NAALADL2: variants seen among roughly 807,000 people sequenced by gnomAD.
The protein encoded by NAALADL2 is inactive N-acetylated-alpha-linked acidic dipeptidase-like protein 2.
A neutral mutation model predicts 87.2 loss-of-function variants in NAALADL2; 76 were observed. That is an observed-to-expected ratio of 0.87 (90% CI 0.72 to 1.05). NAALADL2 has a LOEUF of 1.05. Ranked by LOEUF, NAALADL2 falls within the 50% of genes least tolerant of loss-of-function variation. The pLI is 0.00. For missense variants in NAALADL2, 1,089 were observed against 945.8 expected, an observed-to-expected ratio of 1.15 and a Z score of -1.99; for synonymous variants, 354 against 331.0, an observed-to-expected ratio of 1.07 and a Z score of -0.75.
At chr3:175,599,289 A>T (rs1325630329) in intron 10 of NAALADL2, among the ~76,000 whole-genome samples, 1 of 152,134 alleles carries the variant, frequency 6.6e-6, no homozygotes, top group Non-Finnish European at 1.5e-5. Flanking sequence ...ATTACTGATC[A>T]TCTCAGTTTC....
intron 2 of NAALADL2, among the ~76,000 whole-genome samples, chr3:174,681,571 T>A (rs1727543546): frequency 6.6e-6 from 1 of 152,138 alleles, no homozygotes; most frequent in South Asian, 2.1e-4. Flanking sequence ...CCTGGACATT[T>A]CTGGACACAC....
At chr3:175,737,086 T>C (rs1263727404) in intron 11 of NAALADL2, among the ~76,000 whole-genome samples, 1 of 152,180 alleles carries the variant, frequency 6.6e-6, no homozygotes, top group Non-Finnish European at 1.5e-5. Context: ...TATTTCCTTA[T>C]ACTATTCTGA....
At chr3:175,080,537 C>A (rs1052044792) in intron 1 of NAALADL2, among the ~76,000 whole-genome samples, 2 of 152,184 alleles carry the variant, frequency 1.3e-5, no homozygotes, top group Non-Finnish European at 2.9e-5. Flanking sequence ...ATAATATAAG[C>A]TTATCGAAGC....
At chr3:175,052,462 ACTT>A (rs1205440904) in intron 1 of NAALADL2, among the ~76,000 whole-genome samples, 1 of 152,200 alleles carries the variant, frequency 6.6e-6, no homozygotes, top group Non-Finnish European at 1.5e-5. Flanking sequence ...ATGGTGAGCT[ACTT>A]CTTGGAGGAG....
chr3:175,331,136 A>C (rs1395384044), intron 5 of NAALADL2, among the ~76,000 whole-genome samples: 1 of 152,110 alleles, frequency 6.6e-6, no homozygotes, highest in Non-Finnish European at 1.5e-5. Context: ...ACAAGTAATA[A>C]AATTGAGTCA....
chr3:175,422,756 G>T (rs575410027), intron 5 of NAALADL2, among the ~76,000 whole-genome samples: 1 of 151,924 alleles, frequency 6.6e-6, no homozygotes, highest in African/African-American at 2.4e-5. Flanking sequence ...TAGTCATCAG[G>T]TAAGAGGACT....
intron 11 of NAALADL2, among the ~76,000 whole-genome samples, chr3:175,668,880 T>TA (rs1347100217): frequency 6.6e-6 from 1 of 152,170 alleles, no homozygotes; most frequent in African/African-American, 2.4e-5. Context: ...TTTTGTGACT[T>TA]AAAATGGACA....
intron 5 of NAALADL2, among the ~76,000 whole-genome samples, chr3:175,398,355 T>TG (rs1560489482): frequency 6.6e-6 from 1 of 150,636 alleles, no homozygotes; most frequent in East Asian, 1.9e-4. Flanking sequence ...TTTTTTTTTT[T>TG]TTTTTTTTTT....
intron 3 of NAALADL2, among the ~76,000 whole-genome samples, chr3:174,814,832 T>G (rs1720614765): frequency 1.3e-5 from 2 of 152,192 alleles, no homozygotes; most frequent in African/African-American, 2.4e-5. Flanking sequence ...TCACAAGTAA[T>G]TTATCCTGAC....
intron 2 of NAALADL2, among the ~76,000 whole-genome samples, chr3:175,101,021 A>G (rs182800846): frequency 4.2e-4 from 64 of 151,940 alleles, no homozygotes; most frequent in Admixed American, 3.5e-3. Context: ...GGAGGAGGGT[A>G]TATTAGTACT....
chr3:175,247,548 C>T (rs980209414), intron 3 of NAALADL2, among the ~76,000 whole-genome samples: 1 of 145,864 alleles, frequency 6.9e-6, no homozygotes, highest in East Asian at 2.1e-4. Context: ...AAATCCAAGA[C>T]CCTATGGGAC....
chr3:175,076,381 T>A (rs368657436), intron 1 of NAALADL2, among the ~76,000 whole-genome samples: 1 of 151,594 alleles, frequency 6.6e-6, no homozygotes, highest in East Asian at 1.9e-4. Context: ...AGACAGTTCT[T>A]AAAAGGGGCA....
intron 3 of NAALADL2, among the ~76,000 whole-genome samples, chr3:174,805,747 A>C (rs1416404283): frequency 6.6e-6 from 1 of 152,168 alleles, no homozygotes; most frequent in Non-Finnish European, 1.5e-5. Flanking sequence ...TTTCATCAAA[A>C]TTTGCCATCT....
chr3:175,037,758 C>G (rs1165779455), intron 1 of NAALADL2, among the ~76,000 whole-genome samples: 2 of 152,092 alleles, frequency 1.3e-5, no homozygotes, highest in Non-Finnish European at 2.9e-5. Flanking sequence ...TATACACATC[C>G]TAGTTCTAAG....
intron 1 of NAALADL2, among the ~76,000 whole-genome samples, chr3:175,036,543 G>A (rs1163683085): frequency 6.6e-6 from 1 of 151,896 alleles, no homozygotes. Flanking sequence ...GGGACTACAG[G>A]CACCTGCCAC....
At chr3:175,517,600 C>T (rs1732037530) in intron 9 of NAALADL2, among the ~76,000 whole-genome samples, 1 of 152,018 alleles carries the variant, frequency 6.6e-6, no homozygotes. Flanking sequence ...AGTTACTAGC[C>T]TACAATTAGA....
intron 2 of NAALADL2, among the ~76,000 whole-genome samples, chr3:175,203,204 G>C (rs990190674): frequency 1.3e-5 from 2 of 152,100 alleles, no homozygotes; most frequent in East Asian, 3.9e-4. Context: ...ACTTCTCCCT[G>C]TGGTGTTTCC....
intron 10 of NAALADL2, among the ~76,000 whole-genome samples, chr3:175,598,657 A>T (rs1360814287): frequency 6.6e-6 from 1 of 152,096 alleles, no homozygotes; most frequent in Non-Finnish European, 1.5e-5. Context: ...AGGTCTTCAA[A>T]TGTTAAAGCA....
chr3:175,717,377 T>G (rs942514385), intron 11 of NAALADL2, among the ~76,000 whole-genome samples: 1 of 152,138 alleles, frequency 6.6e-6, no homozygotes, highest in Non-Finnish European at 1.5e-5. Flanking sequence ...CACAAGATTT[T>G]TTGTTTTTTT....
Sources: allele counts gnomAD v4.1 joint callset (sites outside exome capture counted in the v4.1 genomes callset), GRCh38; gene constraint gnomAD v4.1.1; transcripts MANE v1.5; gene names NCBI Gene and HGNC (gene_info 2026-07-23, HGNC 2026-07-21).